Variants in PPP2R2A observed in about 807,000 individuals in gnomAD.
The protein encoded by PPP2R2A is protein phosphatase 2 regulatory subunit Balpha, also known as serine/threonine-protein phosphatase 2A 55 kDa regulatory subunit B alpha isoform.
Under a neutral mutation model 53.2 loss-of-function variants are expected in PPP2R2A, and 9 were observed. The ratio of observed to expected loss-of-function variants is 0.17; its 90% CI spans 0.10 to 0.30. The LOEUF (loss-of-function observed/expected upper bound fraction) is 0.30, where lower values mean the gene tolerates loss of function less well. Among genes scored for constraint, PPP2R2A ranks in the 10% least tolerant of loss-of-function variants. PPP2R2A has a pLI of 1.00. For synonymous variants in PPP2R2A, 169 were observed against 174.2 expected (o/e 0.97, Z 0.23); for missense variants, 235 against 534.6 (o/e 0.44, Z 5.53).
chr8:26,368,690 A>G (rs760677432), intron 9 of PPP2R2A, among the ~76,000 whole-genome samples: 1 of 152,174 alleles, frequency 6.6e-6, no homozygotes, highest in African/African-American at 2.4e-5. Flanking sequence ...AGTCACAGCT[A>G]CTCAGGAGAC....
At chr8:26,334,377 TA>T (rs1222072126) in intron 2 of PPP2R2A, among the ~76,000 whole-genome samples, 1 of 152,212 alleles carries the variant, frequency 6.6e-6, no homozygotes, top group Non-Finnish European at 1.5e-5. Flanking sequence ...TTTTTGCTTT[TA>T]AAAAACATGA....
chr8:26,333,319 A>G (rs1803477871), intron 2 of PPP2R2A, among the ~76,000 whole-genome samples: 1 of 152,184 alleles, frequency 6.6e-6, no homozygotes. Context: ...ACTAGAGGTT[A>G]CTTTTGTATT....
intron 2 of PPP2R2A, among the ~76,000 whole-genome samples, chr8:26,310,681 T>A (rs1481828220): frequency 6.6e-6 from 1 of 151,032 alleles, no homozygotes; most frequent in Non-Finnish European, 1.5e-5. Context: ...TTTTTTTTTT[T>A]AATGGCTTAT....
chr8:26,340,601 A>G (rs985999565), intron 3 of PPP2R2A, among the ~76,000 whole-genome samples: 3 of 152,112 alleles, frequency 2.0e-5, no homozygotes, highest in Non-Finnish European at 2.9e-5. Flanking sequence ...CAATTCTAAA[A>G]TACAAGTTTG....
chr8:26,313,644 G>C (rs776434845), intron 2 of PPP2R2A, among the ~76,000 whole-genome samples: 2 of 152,120 alleles, frequency 1.3e-5, no homozygotes, highest in African/African-American at 2.4e-5. Context: ...AGGTTATCCT[G>C]GTAGGCTGTA....
chr8:26,346,778 A>G (rs890002315), intron 3 of PPP2R2A, among the ~76,000 whole-genome samples: 2 of 152,218 alleles, frequency 1.3e-5, no homozygotes, highest in Admixed American at 1.3e-4. Context: ...GGAATTTTCT[A>G]GCGAACTTCA....
At chr8:26,316,992 G>C (rs961852720) in intron 2 of PPP2R2A, among the ~76,000 whole-genome samples, 3 of 152,236 alleles carry the variant, frequency 2.0e-5, no homozygotes, top group African/African-American at 7.2e-5. Context: ...CCATTGGGAA[G>C]ATGATTTGTC....
chr8:26,335,182 T>G (rs1803591319), intron 2 of PPP2R2A, among the ~76,000 whole-genome samples: 1 of 152,160 alleles, frequency 6.6e-6, no homozygotes, highest in Non-Finnish European at 1.5e-5. Context: ...TTCCTGGATG[T>G]TTTTCTTGGT....
At chr8:26,293,236 C>T (rs560831255) in intron 1 of PPP2R2A, 4 of 1,535,738 alleles carry the variant, frequency 2.6e-6, no homozygotes, top group Admixed American at 3.9e-5. Context: ...TTACTCCTTA[C>T]CCAGGCAGTA....
intron 2 of PPP2R2A, among the ~76,000 whole-genome samples, chr8:26,308,742 A>ATGGG (rs996910948): frequency 2.6e-5 from 4 of 152,158 alleles, no homozygotes; most frequent in Admixed American, 6.5e-5. Context: ...CCTCCCATGA[A>ATGGG]TCATGGATGT....
At chr8:26,326,134 C>T (rs1048082818) in intron 2 of PPP2R2A, among the ~76,000 whole-genome samples, 1 of 152,162 alleles carries the variant, frequency 6.6e-6, no homozygotes, top group Non-Finnish European at 1.5e-5. Context: ...ACCATGTTGG[C>T]TTGTTAGGTA....
intron 2 of PPP2R2A, among the ~76,000 whole-genome samples, chr8:26,309,864 C>G (rs570675765): frequency 1.3e-5 from 2 of 152,136 alleles, no homozygotes; most frequent in East Asian, 3.9e-4. Context: ...AAAACAATTA[C>G]AATAGTAATA....
At chr8:26,343,975 A>G (rs1440649089) in intron 3 of PPP2R2A, among the ~76,000 whole-genome samples, 2 of 152,150 alleles carry the variant, frequency 1.3e-5, no homozygotes, top group Admixed American at 6.5e-5. Context: ...CCTTGTGTCC[A>G]TGAGCCCTCA....
chr8:26,334,474 G>A (rs146022885), intron 2 of PPP2R2A, among the ~76,000 whole-genome samples: 16 of 152,240 alleles, frequency 1.1e-4, no homozygotes, highest in Admixed American at 5.9e-4. Context: ...GGCCAGGTAC[G>A]GTGGCTCACG....
chr8:26,326,934 T>A (rs1055273416), intron 2 of PPP2R2A, among the ~76,000 whole-genome samples: 5 of 152,266 alleles, frequency 3.3e-5, no homozygotes, highest in African/African-American at 1.2e-4. Flanking sequence ...CAGCTGTTTA[T>A]CTTTCTGTTC....
At position 26,360,384 on chromosome 8, in the gene PPP2R2A, C is replaced by A; in HGVS notation, c.459+103C>A. 1.6e-6 allele frequency: 1 copy of A among 618,110 alleles called. No individual in the cohort carries two copies. Among genetic ancestry groups the A allele is most frequent in the Non-Finnish European group, 2.8e-6 (1 of 361,414 alleles). 38.3% of individuals were successfully genotyped at this position (618,110 alleles called of 1,614,324 possible). ...ATAGGAATAATTACAGTCTATCTCC[C>A]CTTTCCCAGTAATTCTGTAATCAGG... On this transcript the variant is annotated intron_variant, in intron 5 of 9. Transcript: ENST00000380737. The surrounding 1 kb of genome is among the most constrained non-coding windows in gnomAD (Gnocchi z 4.5).
rs10706344 is a variant in PPP2R2A, at chr8:26,347,417, GTT to G, written c.181-7038_181-7037del. 6.9e-3 allele frequency among the ~76,000 whole-genome samples: 979 copies of G among 142,168 alleles called. 6 individuals are homozygous for G. Among genetic ancestry groups the G allele is most frequent in the African/African-American group, 0.022 (849 of 38,852 alleles). 93.3% of individuals were successfully genotyped at this position (142,168 alleles called of 152,430 possible). On this transcript the variant is annotated intron_variant, in intron 3 of 9. Transcript: ENST00000380737. ...GTGTCCACGCGCATGTGCATGGAGG[GTT>G]TTTTTTTTTTTTCCATTCCTTTCAG...
intron 3 of PPP2R2A, among the ~76,000 whole-genome samples, chr8:26,346,023 T>G (rs1415663769): frequency 6.6e-6 from 1 of 152,042 alleles, no homozygotes; most frequent in Non-Finnish European, 1.5e-5. Context: ...CCTTTTAAAT[T>G]TATTATTTAG....
intron 3 of PPP2R2A, among the ~76,000 whole-genome samples, chr8:26,346,265 C>T (rs1479778505): frequency 4.6e-5 from 7 of 151,970 alleles, no homozygotes; most frequent in African/African-American, 1.2e-4. Context: ...CTCAGCCTCC[C>T]GAGTAGCTGG....
Sources: allele counts gnomAD v4.1 joint callset (sites outside exome capture counted in the v4.1 genomes callset), GRCh38; gene constraint gnomAD v4.1.1; non-coding constraint Gnocchi (gnomAD v3.1); transcripts MANE v1.5; gene names NCBI Gene and HGNC (gene_info 2026-07-23, HGNC 2026-07-21).